The following ZNF385D variants were observed in gnomAD, a reference collection of about 807,000 sequenced individuals.
The protein encoded by ZNF385D is zinc finger protein 385D.
ZNF385D carries 15 observed loss-of-function variants against 35.8 expected under a neutral mutation model. The ratio of observed to expected loss-of-function variants is 0.42; its 90% confidence interval spans 0.28 to 0.64. ZNF385D has a LOEUF of 0.64. Ranked by LOEUF, ZNF385D falls within the 30% of genes least tolerant of loss-of-function variation. The pLI, the probability that ZNF385D is intolerant of heterozygous loss-of-function variation, is 0.23. For synonymous variants in ZNF385D, 212 were observed against 186.8 expected (o/e 1.13, Z -1.10); for missense variants, 474 against 494.6 (o/e 0.96, Z 0.39).
At chr3:21,522,914 C>A (rs913099710) in intron 3 of ZNF385D, among the ~76,000 whole-genome samples, 1 of 152,160 alleles carries the variant, frequency 6.6e-6, no homozygotes, top group Non-Finnish European at 1.5e-5. Flanking sequence ...TAGTTAGGTG[C>A]TAACAGCACA....
chr3:21,752,603 G>C (rs867231456), upstream of ZNF385D, among the ~76,000 whole-genome samples: 1 of 151,982 alleles, frequency 6.6e-6, no homozygotes, highest in Non-Finnish European at 1.5e-5. Flanking sequence ...TCTCACGCTA[G>C]ATTATAAAGA....
intron 3 of ZNF385D, among the ~76,000 whole-genome samples, chr3:22,159,352 C>T (rs1238968936): frequency 2.6e-5 from 4 of 151,998 alleles, no homozygotes; most frequent in Admixed American, 2.6e-4. Flanking sequence ...TTAATTTTCA[C>T]TTCATCTAGC....
chr3:22,364,210 T>C (rs1029244625), intron 2 of ZNF385D, among the ~76,000 whole-genome samples: 2 of 152,106 alleles, frequency 1.3e-5, no homozygotes, highest in African/African-American at 4.8e-5. Flanking sequence ...CAATGAGTTT[T>C]GGGATATGAC....
chr3:22,254,607 C>T (rs1299515517), intron 2 of ZNF385D, among the ~76,000 whole-genome samples: 1 of 151,766 alleles, frequency 6.6e-6, no homozygotes, highest in East Asian at 1.9e-4. Context: ...ATACCTGAAA[C>T]CTCAGAAAGT....
chr3:21,605,366 A>C (rs1410870019), intron 2 of ZNF385D, among the ~76,000 whole-genome samples: 1 of 152,162 alleles, frequency 6.6e-6, no homozygotes, highest in East Asian at 1.9e-4. Context: ...AGAGTGAAGA[A>C]ATCAGAAAAT....
intron 3 of ZNF385D, among the ~76,000 whole-genome samples, chr3:21,795,077 T>A (rs998490843): frequency 6.6e-6 from 1 of 152,170 alleles, no homozygotes; most frequent in Non-Finnish European, 1.5e-5. Flanking sequence ...TAAATCAAAT[T>A]GAAGAAGTTT....
At chr3:21,754,318 T>C (rs890214072), upstream of ZNF385D, among the ~76,000 whole-genome samples, 4 of 152,270 alleles carry the variant, frequency 2.6e-5, no homozygotes, top group South Asian at 6.2e-4. Flanking sequence ...AAGAATCTGG[T>C]TCACACCCTG....
At chr3:22,242,215 TA>T (rs2125315441) in intron 2 of ZNF385D, among the ~76,000 whole-genome samples, 1 of 150,706 alleles carries the variant, frequency 6.6e-6, no homozygotes, top group Non-Finnish European at 1.5e-5. Flanking sequence ...CCCTAAAACT[TA>T]AAGTATAATA....
At chr3:21,907,103 G>C (rs1438513047) in intron 3 of ZNF385D, among the ~76,000 whole-genome samples, 2 of 152,114 alleles carry the variant, frequency 1.3e-5, no homozygotes, top group Non-Finnish European at 2.9e-5. Context: ...TGCTCATCGA[G>C]AATGTTTATT....
intron 2 of ZNF385D, among the ~76,000 whole-genome samples, chr3:22,202,626 C>T (rs571044348): frequency 1.3e-5 from 2 of 152,222 alleles, no homozygotes; most frequent in East Asian, 3.9e-4. Flanking sequence ...TTTTAACTTC[C>T]TATCTTTGAA....
At chr3:22,355,408 T>C (rs1696105627) in intron 2 of ZNF385D, among the ~76,000 whole-genome samples, 1 of 152,052 alleles carries the variant, frequency 6.6e-6, no homozygotes, top group South Asian at 2.1e-4. Context: ...TAGTTACTTG[T>C]TATGTATTTC....
At chr3:22,113,928 G>T (rs1034145067) in intron 3 of ZNF385D, among the ~76,000 whole-genome samples, 3 of 151,672 alleles carry the variant, frequency 2.0e-5, no homozygotes, top group African/African-American at 4.8e-5. Context: ...AAAATAATAG[G>T]GTACATTCAT....
At chr3:21,597,440 A>C (rs183643489) in intron 2 of ZNF385D, among the ~76,000 whole-genome samples, 1 of 152,340 alleles carries the variant, frequency 6.6e-6, no homozygotes, top group East Asian at 1.9e-4. Context: ...AATATAATGA[A>C]TGGACACCCA....
chr3:21,653,771 G>GA (rs528896622), intron 2 of ZNF385D, among the ~76,000 whole-genome samples: 60 of 149,676 alleles, frequency 4.0e-4, no homozygotes, highest in African/African-American at 9.8e-4. Context: ...GAACTATCCG[G>GA]AAAAAAAAAG....
At chr3:21,955,372 C>A (rs1195767065) in intron 3 of ZNF385D, among the ~76,000 whole-genome samples, 1 of 152,044 alleles carries the variant, frequency 6.6e-6, no homozygotes, top group Admixed American at 6.6e-5. Flanking sequence ...GGTAATTCCA[C>A]CCCCAAAAAT....
At chr3:21,905,528 CT>C (rs1158399395) in intron 3 of ZNF385D, among the ~76,000 whole-genome samples, 1 of 148,250 alleles carries the variant, frequency 6.7e-6, no homozygotes, top group African/African-American at 2.6e-5. Context: ...AAGCTAAACT[CT>C]TCAGAATCTG....
intron 3 of ZNF385D, among the ~76,000 whole-genome samples, chr3:21,825,753 T>C (rs1349851257): frequency 1.3e-5 from 2 of 152,188 alleles, no homozygotes; most frequent in Non-Finnish European, 2.9e-5. Context: ...AGGTTAATTT[T>C]TCCCACAAAC....
intron 2 of ZNF385D, among the ~76,000 whole-genome samples, chr3:22,282,553 T>C (rs1701813669): frequency 6.6e-6 from 1 of 152,112 alleles, no homozygotes; most frequent in South Asian, 2.1e-4. Flanking sequence ...AGGATTCCTT[T>C]TGGAGTTGAT....
chr3:22,289,774 C>A lies in ZNF385D; in HGVS notation c.106+82676G>T, dbSNP rs1420258037. On this transcript the variant is annotated intron_variant, in intron 2 of 5. Coordinates refer to the ZNF385D transcript ENST00000494108. The stretch of plus-strand genomic sequence containing the variant: ...AAAAGTTGGGGCACTGATGCATGCA[C>A]CAATGCCTTCCAGGAGTAATCGATA... Among the ~76,000 whole-genome samples, 5 of 152,066 alleles carry A rather than the reference C, an allele frequency of 3.3e-5. No homozygotes were observed. In the East Asian group the frequency reaches 9.7e-4, roughly 29 times the overall value.
Sources: allele counts gnomAD v4.1 joint callset (sites outside exome capture counted in the v4.1 genomes callset), GRCh38; gene constraint gnomAD v4.1.1; transcripts MANE v1.5; gene names NCBI Gene and HGNC (gene_info 2026-07-23, HGNC 2026-07-21).